The following ANK3 variants were observed in gnomAD, a reference collection of about 807,000 sequenced individuals.
The protein encoded by ANK3 is ankyrin 3.
ANK3 carries 57 observed loss-of-function variants against 370.9 expected under a neutral mutation model. The ratio of observed to expected loss-of-function variants is 0.15; its 90% CI spans 0.12 to 0.19. The LOEUF (loss-of-function observed/expected upper bound fraction) is 0.19, where lower values mean the gene tolerates loss of function less well. ANK3 is among the 10% of genes least tolerant of loss of function. The pLI is 1.00. For missense variants in ANK3, 4,439 were observed against 5,302.1 expected, an observed-to-expected ratio of 0.84 and a Z score of 5.06; for synonymous variants, 1,929 against 1,946.3, an observed-to-expected ratio of 0.99 and a Z score of 0.23.
intron 2 of ANK3, among the ~76,000 whole-genome samples, chr10:60,400,700 TTTTA>T (rs2063335998): frequency 1.3e-5 from 2 of 152,312 alleles, no homozygotes; most frequent in African/African-American, 4.8e-5. Context: ...TTGAATTATA[TTTTA>T]TTTATTTTTT....
chr10:60,389,522 G>A lies in ANK3; in HGVS notation c.17C>T (p.Ser6Leu). 1 of 1,613,580 alleles carries A rather than the reference G, an allele frequency of 6.2e-7. No individual in the cohort carries two copies. The highest frequency in any genetic ancestry group is 8.5e-7 in the Non-Finnish European group (1 of 1,179,890). The change falls in exon 1 of 44, where the codon TCA (serine) becomes TTA (leucine). Residue 6 changes from serine to leucine, a missense_variant. This residue lies in a region of ANK3 where 54 missense variants were observed against 52.7 expected (regional missense o/e 1.02). Coordinates refer to ENST00000280772, the MANE Select transcript of ANK3 (RefSeq NM_020987.5). MAHAA[S>L]QLKKNRDLEI... ...TAAATCCCTGTTTTTCTTTAATTGT[G>A]AGGCTGCATGAGCCATAATGCATTT...
chr10:60,124,192 C>T (rs2093639568), intron 25 of ANK3, among the ~76,000 whole-genome samples: 1 of 152,212 alleles, frequency 6.6e-6, no homozygotes. Context: ...GAGTCTCACT[C>T]TGTCGCCTAG....
At chr10:60,407,552 T>C (rs1259317920) in intron 2 of ANK3, among the ~76,000 whole-genome samples, 1 of 152,214 alleles carries the variant, frequency 6.6e-6, no homozygotes, top group African/African-American at 2.4e-5. Context: ...TTAATGAGTA[T>C]TATGTGCCAA....
chr10:60,302,469 G>A (rs896982634), intron 1 of ANK3, among the ~76,000 whole-genome samples: 1 of 151,982 alleles, frequency 6.6e-6, no homozygotes, highest in Admixed American at 6.6e-5. Flanking sequence ...TATCAAACAT[G>A]CAAGGCACTA....
At chr10:60,196,096 C>T in intron 16 of ANK3, 49 bp downstream of exon 16, 1 of 1,518,640 alleles carries the variant, frequency 6.6e-7, no homozygotes. Context: ...CAGATAGAGA[C>T]TGATAGACCT....
chr10:60,372,121 T>C (rs998147229), intron 1 of ANK3, among the ~76,000 whole-genome samples: 7 of 152,186 alleles, frequency 4.6e-5, no homozygotes, highest in East Asian at 1.9e-4. Flanking sequence ...TCAGTTAAAT[T>C]CATATATTTC....
At chr10:60,295,222 G>A (rs931635656) in intron 1 of ANK3, among the ~76,000 whole-genome samples, 9 of 152,168 alleles carry the variant, frequency 5.9e-5, no homozygotes, top group African/African-American at 2.2e-4. Flanking sequence ...TTCAGACTCT[G>A]GACCCAGGAT....
chr10:60,488,950 C>T (rs1380478148), intron 2 of ANK3, among the ~76,000 whole-genome samples: 2 of 152,142 alleles, frequency 1.3e-5, no homozygotes, highest in Non-Finnish European at 2.9e-5. Context: ...AAATTTTGCT[C>T]ATTTTCATGA....
At chr10:60,650,392 C>T (rs920683228) in intron 1 of ANK3, among the ~76,000 whole-genome samples, 23 of 144,004 alleles carry the variant, frequency 1.6e-4, no homozygotes, top group South Asian at 6.8e-4. Flanking sequence ...AAAAAATTTA[C>T]AAGCTCCTGC....
At chr10:60,324,238 A>C (rs1421019886) in intron 1 of ANK3, among the ~76,000 whole-genome samples, 1 of 152,222 alleles carries the variant, frequency 6.6e-6, no homozygotes, top group East Asian at 1.9e-4. Flanking sequence ...ATGTCCTTAG[A>C]CATGGACAGT....
At chr10:60,665,108 C>T (rs966288915) in intron 1 of ANK3, among the ~76,000 whole-genome samples, 11 of 152,210 alleles carry the variant, frequency 7.2e-5, no homozygotes, top group African/African-American at 2.4e-4. Flanking sequence ...CAGATTAGAA[C>T]CCTGTAGAAG....
intron 1 of ANK3, among the ~76,000 whole-genome samples, chr10:60,285,724 A>C (rs1330522378): frequency 6.6e-6 from 1 of 152,148 alleles, no homozygotes; most frequent in African/African-American, 2.4e-5. Context: ...CCTCACCCCA[A>C]GACATTTCCA....
intron 2 of ANK3, among the ~76,000 whole-genome samples, chr10:60,491,779 C>G (rs2075513705): frequency 6.6e-6 from 1 of 152,140 alleles, no homozygotes; most frequent in Non-Finnish European, 1.5e-5. Flanking sequence ...AAGGTCAAAT[C>G]TCAGTTTTAC....
At chr10:60,407,503 C>A (rs1335404520) in intron 2 of ANK3, among the ~76,000 whole-genome samples, 1 of 152,162 alleles carries the variant, frequency 6.6e-6, no homozygotes, top group African/African-American at 2.4e-5. Context: ...TCTTTAATGG[C>A]TTACCAAAAT....
rs552219776 is a variant in ANK3, at chr10:60,032,194, C to CTTTT, written c.*20-2372_*20-2369dup. ...TTCAGCTATTATAAATACACAGCTTCTTTTTTTTTTTTTTTTTTTTTTTTT... is the reference window on the plus strand; with the variant it reads ...TTCAGCTATTATAAATACACAGCTTCTTTTTTTTTTTTTTTTTTTTTTTTTTTTT... On this transcript the variant is annotated intron_variant, in intron 43 of 43. Coordinates refer to ENST00000280772, the MANE Select transcript of ANK3 (RefSeq NM_020987.5). Among the ~76,000 whole-genome samples, 424 of 43,112 alleles carry CTTTT rather than the reference C, an allele frequency of 9.8e-3. 19 individuals carry two copies. The highest frequency in any genetic ancestry group is 0.015 in the East Asian group (30 of 2,002). The allele number at this position is 43,112 out of a possible 152,430, so 28.3% of individuals were successfully genotyped here. A position where few individuals can be genotyped will look rare whatever the true frequency, so the allele number is the denominator to read the frequency against.
rs558714541 is a variant in ANK3 at position 60,677,562 on chromosome 10, C to A, written c.57+55701G>T. 5.9e-5 allele frequency among the ~76,000 whole-genome samples: 9 copies of A among 152,048 alleles called. 1 individual carries two copies. In the South Asian group the frequency reaches 1.9e-3, roughly 32 times the overall value. On this transcript the variant is annotated intron_variant, in intron 1 of 43. Coordinates refer to the ANK3 transcript ENST00000373827. The stretch of plus-strand genomic sequence containing the variant: ...TAATAAGCAGTTTACAAGGTTGCAA[C>A]CTTACCATTCCAGTTTTCAAAGAAA...
At chr10:60,732,461 T>C (rs1157702629) in intron 1 of ANK3, among the ~76,000 whole-genome samples, 1 of 152,206 alleles carries the variant, frequency 6.6e-6, no homozygotes, top group Non-Finnish European at 1.5e-5. Flanking sequence ...GGAGACTATC[T>C]TGATGCAGCG....
intron 1 of ANK3, among the ~76,000 whole-genome samples, chr10:60,314,489 G>A (rs532242572): frequency 6.6e-6 from 1 of 152,236 alleles, no homozygotes; most frequent in African/African-American, 2.4e-5. Flanking sequence ...CCAGGTCTAG[G>A]CCAGACAGGA....
chr10:60,030,364 G>A (rs183865824), intron 43 of ANK3, among the ~76,000 whole-genome samples: 1 of 151,928 alleles, frequency 6.6e-6, no homozygotes, highest in Non-Finnish European at 1.5e-5. Context: ...GGATGGTCTC[G>A]ATCTCCTGAC....
Sources: allele counts gnomAD v4.1 joint callset (sites outside exome capture counted in the v4.1 genomes callset), GRCh38; gene constraint gnomAD v4.1.1; regional missense constraint gnomAD v4.1.1; transcripts MANE v1.5; gene names NCBI Gene and HGNC (gene_info 2026-07-23, HGNC 2026-07-21).